Variants in MBTD1 observed in about 807,000 individuals in gnomAD.
MBTD1 encodes mbt domain containing 1.
A neutral mutation model predicts 87.8 loss-of-function variants in MBTD1; 24 were observed. The ratio of observed to expected loss-of-function variants is 0.27; its 90% CI spans 0.20 to 0.38. The LOEUF (loss-of-function observed/expected upper bound fraction) is 0.38, where lower values mean the gene tolerates loss of function less well. Among genes scored for constraint, MBTD1 ranks in the 10% least tolerant of loss-of-function variants. The pLI, the probability that MBTD1 is intolerant of heterozygous loss-of-function variation, is 1.00. For missense variants in MBTD1, 436 were observed against 760.2 expected (o/e 0.57, Z 5.02); for synonymous variants, 237 against 248.6 (o/e 0.95, Z 0.44).
At chr17:51,223,798 T>C (rs557047966) in intron 3 of MBTD1, among the ~76,000 whole-genome samples, 23 of 152,098 alleles carry the variant, frequency 1.5e-4, no homozygotes, top group Non-Finnish European at 3.1e-4. Context: ...ATTGCACCAC[T>C]GCACTCCAGC....
chr17:51,179,490 A>ATATATATATATATATATATT lies in MBTD1; in HGVS notation c.*1085_*1086insAATATATATATATATATATA, dbSNP rs2050209393. 13 of 23,532 alleles carry ATATATATATATATATATATT rather than the reference A, an allele frequency of 5.5e-4. 1 individual carries two copies. The highest frequency in any genetic ancestry group is 7.2e-4 in the Non-Finnish European group (8 of 11,150). The allele number at this position is 23,532 out of a possible 1,614,324, so 1.5% of individuals were successfully genotyped here. A position where few individuals can be genotyped will look rare whatever the true frequency, so the allele number is the denominator to read the frequency against. Reference sequence around the variant, plus strand: ...AATACAATTAAAGACAATTTTATATATATATATATATATATATATATATAT... The same window carrying ATATATATATATATATATATT: ...AATACAATTAAAGACAATTTTATATATATATATATATATATATATTTATATATATATATATATATATATAT... On this transcript the variant is annotated 3_prime_UTR_variant, in exon 17 of 17. Transcript: ENST00000586178.
chr17:51,246,653 TGA>T (rs916832615), intron 2 of MBTD1, among the ~76,000 whole-genome samples: 8 of 152,192 alleles, frequency 5.3e-5, no homozygotes, highest in African/African-American at 1.4e-4. Context: ...ATTTGTTTTT[TGA>T]GACAGGGTCT....
intron 2 of MBTD1, among the ~76,000 whole-genome samples, chr17:51,241,519 TTC>T (rs758847298): frequency 3.9e-5 from 6 of 152,132 alleles, no homozygotes; most frequent in African/African-American, 1.4e-4. Flanking sequence ...GCTCTCTTTT[TTC>T]TCTTTTTATT....
chr17:51,221,126 T>C (rs1415516582), intron 3 of MBTD1, among the ~76,000 whole-genome samples: 1 of 151,982 alleles, frequency 6.6e-6, no homozygotes, highest in East Asian at 1.9e-4. Flanking sequence ...AGATCCAGTA[T>C]CTTCAAAAAA....
chr17:51,247,441 C>CTTTTTTTT, intron 2 of MBTD1, among the ~76,000 whole-genome samples: 1 of 132,044 alleles, frequency 7.6e-6, no homozygotes, highest in Non-Finnish European at 1.6e-5. Flanking sequence ...ATCAGTATTA[C>CTTTTTTTT]TTTTTTTTTT....
At chr17:51,191,164 AT>A (rs1196618901) in intron 16 of MBTD1, among the ~76,000 whole-genome samples, 12 of 152,166 alleles carry the variant, frequency 7.9e-5, no homozygotes, top group African/African-American at 2.4e-4. Context: ...GGGAAATAAG[AT>A]AAAAAAAATC....
chr17:51,228,969 G>A (rs2053403125), intron 2 of MBTD1, among the ~76,000 whole-genome samples: 1 of 151,576 alleles, frequency 6.6e-6, no homozygotes, highest in African/African-American at 2.4e-5. Context: ...GCCACTGGCT[G>A]AGGCCCAGCT....
intron 12 of MBTD1, among the ~76,000 whole-genome samples, chr17:51,197,053 T>C (rs2052406377): frequency 5.0e-3 from 2 of 398 alleles, no homozygotes; most frequent in Non-Finnish European, 0.012. Context: ...TATATATATA[T>C]ATATATATAT....
intron 12 of MBTD1, among the ~76,000 whole-genome samples, chr17:51,196,001 C>T (rs902989055): frequency 5.9e-5 from 9 of 151,994 alleles, no homozygotes; most frequent in Non-Finnish European, 1.2e-4. Flanking sequence ...TTGACCTCCC[C>T]GGCTCAAGCA....
At chr17:51,253,338 T>C (rs1029746157) in intron 2 of MBTD1, among the ~76,000 whole-genome samples, 2 of 152,278 alleles carry the variant, frequency 1.3e-5, no homozygotes, top group Admixed American at 6.5e-5. Flanking sequence ...GAAATACTCA[T>C]ACATAATACA....
At chr17:51,240,156 G>A (rs906379926) in intron 2 of MBTD1, among the ~76,000 whole-genome samples, 2 of 151,822 alleles carry the variant, frequency 1.3e-5, no homozygotes, top group African/African-American at 4.8e-5. Context: ...TTTATTTTTT[G>A]AGAAGTAATA....
chr17:51,206,019 T>C (rs1308402118), intron 7 of MBTD1, among the ~76,000 whole-genome samples: 4 of 152,164 alleles, frequency 2.6e-5, no homozygotes, highest in African/African-American at 4.8e-5. Context: ...ACTGAGTATC[T>C]TGTCATATTA....
chr17:51,211,730 T>G (rs1407787880), intron 6 of MBTD1, among the ~76,000 whole-genome samples: 2 of 151,900 alleles, frequency 1.3e-5, no homozygotes, highest in Admixed American at 6.6e-5. Flanking sequence ...GATGAAGTAT[T>G]ATGATTTATT....
chr17:51,192,632 ATTG>A (rs1313228470), intron 15 of MBTD1, 147 bp downstream of exon 15: 7 of 1,366,904 alleles, frequency 5.1e-6, no homozygotes, highest in Non-Finnish European at 6.9e-6. Context: ...ATTCTGTGAT[ATTG>A]TTGTTGAGTC....
intron 3 of MBTD1, among the ~76,000 whole-genome samples, chr17:51,221,359 C>G (rs1432923160): frequency 3.3e-5 from 5 of 152,130 alleles, no homozygotes; most frequent in African/African-American, 9.7e-5. Flanking sequence ...CGTAGGTGCT[C>G]TATTATTAAT....
intron 2 of MBTD1, among the ~76,000 whole-genome samples, chr17:51,234,581 G>GT (rs1598401423): frequency 2.0e-5 from 3 of 152,218 alleles, no homozygotes; most frequent in East Asian, 3.9e-4. Flanking sequence ...GAATAATCCT[G>GT]TATCTACTGA....
intron 12 of MBTD1, among the ~76,000 whole-genome samples, chr17:51,200,590 A>T (rs1239138499): frequency 2.8e-5 from 4 of 142,014 alleles, no homozygotes; most frequent in African/African-American, 1.1e-4. Flanking sequence ...AATGCCACGT[A>T]CGGTGGCTCA....
At chr17:51,183,171 T>C (rs1012560412) in intron 16 of MBTD1, 1 of 145,562 alleles carries the variant, frequency 6.9e-6, no homozygotes, top group African/African-American at 2.5e-5. Context: ...ATAATCTTTT[T>C]TTTTTTTTTT....
chr17:51,222,395 TTTTTG>T (rs1201437283), intron 3 of MBTD1, among the ~76,000 whole-genome samples: 3 of 151,374 alleles, frequency 2.0e-5, no homozygotes, highest in East Asian at 3.9e-4. Flanking sequence ...ACGGGTAGTT[TTTTTG>T]TTTTGTTTTG....
Sources: gnomAD v4.1 joint callset for allele counts (sites outside exome capture counted in the v4.1 genomes callset) on GRCh38, gnomAD v4.1.1 for gene constraint, MANE v1.5 for transcripts, NCBI Gene and HGNC (gene_info 2026-07-23, HGNC 2026-07-21) for gene names.